GRM5: variants seen among roughly 807,000 people sequenced by gnomAD.
GRM5 encodes the protein glutamate metabotropic receptor 5, also known as metabotropic glutamate receptor 5.
A neutral mutation model predicts 83.1 loss-of-function variants in GRM5; 19 were observed. That is an observed-to-expected ratio of 0.23 (90% CI 0.16 to 0.34). GRM5 has a LOEUF of 0.34. Ranked by LOEUF, GRM5 falls within the 10% of genes least tolerant of loss-of-function variation. GRM5 has a pLI of 1.00. For missense variants in GRM5, 1,160 were observed against 1,588.3 expected, an observed-to-expected ratio of 0.73 and a Z score of 4.58; for synonymous variants, 675 against 633.6, an observed-to-expected ratio of 1.07 and a Z score of -0.98.
At chr11:89,055,508 T>C (rs1031984580) in intron 1 of GRM5, among the ~76,000 whole-genome samples, 2 of 151,982 alleles carry the variant, frequency 1.3e-5, no homozygotes, top group African/African-American at 2.4e-5. Context: ...ATCACAAAAC[T>C]AGAGAGGGCC....
chr11:88,628,218 A>G (rs1348045670), intron 4 of GRM5, among the ~76,000 whole-genome samples: 1 of 152,126 alleles, frequency 6.6e-6, no homozygotes, highest in Non-Finnish European at 1.5e-5. Flanking sequence ...CATTTCAACT[A>G]TTTTCTACTT....
intron 3 of GRM5, among the ~76,000 whole-genome samples, chr11:88,666,028 G>A (rs1193419463): frequency 6.6e-6 from 1 of 152,098 alleles, no homozygotes. Context: ...GTGAATATCT[G>A]GGAGGGAAAA....
At chr11:88,661,976 T>C (rs1031684939) in intron 3 of GRM5, among the ~76,000 whole-genome samples, 4 of 152,152 alleles carry the variant, frequency 2.6e-5, no homozygotes, top group African/African-American at 7.2e-5. Flanking sequence ...TTCTGAGGTG[T>C]ATAAATCTCA....
At chr11:88,893,220 T>C (rs1278815852) in intron 2 of GRM5, among the ~76,000 whole-genome samples, 1 of 151,960 alleles carries the variant, frequency 6.6e-6, no homozygotes, top group Admixed American at 6.6e-5. Flanking sequence ...TTATTGGGTT[T>C]GGTAATGTCA....
At chr11:89,038,105 A>T (rs181756909) in intron 2 of GRM5, among the ~76,000 whole-genome samples, 1 of 152,112 alleles carries the variant, frequency 6.6e-6, no homozygotes, top group Admixed American at 6.6e-5. Flanking sequence ...ACTATTTGAA[A>T]AAAAAGAAAA....
chr11:88,827,563 T>G (rs1943913754), intron 3 of GRM5, among the ~76,000 whole-genome samples: 1 of 152,250 alleles, frequency 6.6e-6, no homozygotes, highest in South Asian at 2.1e-4. Flanking sequence ...TGTGCTTATT[T>G]TGTACCAGAA....
In GRM5 at chr11:88,845,423, C is replaced by CTTTTTTTTTTTTTTTTTTTTTTTTT. The variant is rs71046265; in HGVS notation, c.911+4458_911+4482dup. ...AGGCTACAGTACAGTATAAACATAA[C>CTTTTTTTTTTTTTTTTTTTTTTTTT]TTTTTTTTTTTTTTTTTTTTTTTTT... On this transcript the variant is annotated intron_variant, in intron 3 of 9. Transcript: ENST00000305447. Among the ~76,000 whole-genome samples the CTTTTTTTTTTTTTTTTTTTTTTTTT allele has an allele frequency of 4.3e-5, 4 of 92,448 alleles. 1 individual carries two copies. The highest frequency in any genetic ancestry group is 1.8e-4 in the African/African-American group (4 of 22,198). The allele number at this position is 92,448 out of a possible 152,430, so 60.6% of individuals were successfully genotyped here.
At chr11:88,881,752 T>C (rs1399765760) in intron 2 of GRM5, among the ~76,000 whole-genome samples, 1 of 152,182 alleles carries the variant, frequency 6.6e-6, no homozygotes, top group African/African-American at 2.4e-5. Context: ...ATGGGAGACT[T>C]TCAGGTTTTG....
At chr11:88,642,465 C>T (rs576304982) in intron 4 of GRM5, among the ~76,000 whole-genome samples, 3 of 152,270 alleles carry the variant, frequency 2.0e-5, no homozygotes, top group African/African-American at 4.8e-5. Context: ...CAAGTGGTTG[C>T]TCCACAGCCT....
intron 2 of GRM5, among the ~76,000 whole-genome samples, chr11:88,989,527 G>A (rs1939881812): frequency 7.5e-6 from 1 of 133,470 alleles, no homozygotes; most frequent in Non-Finnish European, 1.6e-5. Context: ...GACATCTACA[G>A]AACTCTCCAT....
chr11:88,504,683 A>C lies in GRM5; in HGVS notation c.*3909T>G, dbSNP rs1390861239. ...ACAGGCAAGTATATTTTGAAGTGCT[A>C]AAATAAAACATATTTATACAAGTAC... On this transcript the variant is annotated 3_prime_UTR_variant, in exon 10 of 10. Coordinates refer to ENST00000305447, the MANE Select transcript of GRM5 (RefSeq NM_001143831.3). 1 of 152,182 alleles carries C rather than the reference A, an allele frequency of 6.6e-6. No individual in the cohort carries two copies. The highest frequency in any genetic ancestry group is 1.9e-4 in the East Asian group (1 of 5,204). 9.4% of individuals were successfully genotyped at this position (152,182 alleles called of 1,614,324 possible).
At chr11:88,891,427 G>T (rs1389949323) in intron 2 of GRM5, among the ~76,000 whole-genome samples, 3 of 151,954 alleles carry the variant, frequency 2.0e-5, no homozygotes, top group African/African-American at 7.2e-5. Context: ...TGTCTTTCCT[G>T]ATGCGTGGCT....
intron 4 of GRM5, among the ~76,000 whole-genome samples, chr11:88,649,148 A>T (rs1268077234): frequency 7.1e-6 from 1 of 141,168 alleles, no homozygotes; most frequent in Non-Finnish European, 1.5e-5. Flanking sequence ...ATATATGTTT[A>T]TTACATATAT....
intron 2 of GRM5, among the ~76,000 whole-genome samples, chr11:88,858,791 G>A: frequency 6.6e-6 from 1 of 152,010 alleles, no homozygotes; most frequent in East Asian, 1.9e-4. Flanking sequence ...TTAAATTTCT[G>A]TGAAATAGCC....
At chr11:88,702,357 A>G (rs936444612) in intron 3 of GRM5, among the ~76,000 whole-genome samples, 1 of 151,990 alleles carries the variant, frequency 6.6e-6, no homozygotes, top group East Asian at 1.9e-4. Flanking sequence ...TCAGTGAAAG[A>G]TCTCTGTTGC....
chr11:88,505,796 G>T lies in GRM5; in HGVS notation c.*2796C>A, dbSNP rs188587484. 1.3e-5 allele frequency: 2 copies of T among 152,210 alleles called. No individual in the cohort carries two copies. Among genetic ancestry groups the T allele is most frequent in the East Asian group, 3.9e-4 (2 of 5,184 alleles). The allele number at this position is 152,210 out of a possible 1,614,324, so 9.4% of individuals were successfully genotyped here. ...CCTTCCTTTTAGTCATGCTGGTCCC[G>T]ACTGAATTATCACTGGGCACCAGGA... On this transcript the variant is annotated 3_prime_UTR_variant, in exon 10 of 10. Transcript: ENST00000305447.
intron 2 of GRM5, among the ~76,000 whole-genome samples, chr11:89,011,060 A>T (rs1425467929): frequency 6.6e-6 from 1 of 152,218 alleles, no homozygotes; most frequent in Non-Finnish European, 1.5e-5. Context: ...GTGCAAGGAT[A>T]ACTCAGGCCA....
Position 89,016,891 on chromosome 11 carries a change from C to T in GRM5, c.661+30321G>A, listed in dbSNP as rs867588750. 2.2e-4 allele frequency among the ~76,000 whole-genome samples: 34 copies of T among 152,166 alleles called. No individual in the cohort carries two copies. In the Middle Eastern group the frequency reaches 0.01, roughly 46 times the overall value. On this transcript the variant is annotated intron_variant, in intron 2 of 9. Coordinates refer to ENST00000305447, the MANE Select transcript of GRM5 (RefSeq NM_001143831.3). The stretch of plus-strand genomic sequence containing the variant: ...TTGCAAACTGGATAATAGCCATCTG[C>T]AGACAAAATTTTTGATGGGAGTACA...
chr11:88,929,970 T>C (rs1286238487), intron 2 of GRM5, among the ~76,000 whole-genome samples: 1 of 152,096 alleles, frequency 6.6e-6, no homozygotes, highest in Non-Finnish European at 1.5e-5. Flanking sequence ...TTCAAAGAAA[T>C]AAATCAAAAT....
Sources: allele counts gnomAD v4.1 joint callset (sites outside exome capture counted in the v4.1 genomes callset), GRCh38; gene constraint gnomAD v4.1.1; transcripts MANE v1.5; gene names NCBI Gene and HGNC (gene_info 2026-07-23, HGNC 2026-07-21).